Variants in AIG1 observed in about 807,000 individuals in gnomAD.
The protein encoded by AIG1 is androgen-induced gene 1 protein.
In AIG1, 23 loss-of-function variants were observed where a neutral mutation model predicts 31.4. The ratio of observed to expected loss-of-function variants is 0.73; its 90% CI spans 0.53 to 1.04. AIG1 has a LOEUF of 1.04. AIG1 is among the 50% of genes least tolerant of loss of function. AIG1 has a pLI of 0.00. For synonymous variants in AIG1, 100 were observed against 110.5 expected (o/e 0.90, Z 0.60); for missense variants, 274 against 295.0 (o/e 0.93, Z 0.52).
At position 143,325,097 on chromosome 6, in the gene AIG1, A is replaced by T. The variant is rs1187433684; in HGVS notation, c.516-8185A>T. Among the ~76,000 whole-genome samples the T allele has an allele frequency of 6.6e-6, 1 of 152,226 alleles. No homozygotes were observed. Among genetic ancestry groups the T allele is most frequent in the African/African-American group, 2.4e-5 (1 of 41,462 alleles). On this transcript the variant is annotated intron_variant, in intron 4 of 5. Coordinates refer to ENST00000357847, the MANE Select transcript of AIG1 (RefSeq NM_016108.4). The surrounding 1 kb of genome is among the most constrained non-coding windows in gnomAD (Gnocchi z 4.3). ...TTTCCCTTCCACTTTATTGGTGGCA[A>T]ACCAGTTTTCTAATAATTCTCTATG...
intron 4 of AIG1, among the ~76,000 whole-genome samples, chr6:143,289,501 AG>A (rs1797910743): frequency 6.6e-6 from 1 of 152,096 alleles, no homozygotes; most frequent in South Asian, 2.1e-4. Flanking sequence ...CTTGGCCCAG[AG>A]GGGGTCCATT....
chr6:143,302,164 C>G (rs1798870093), intron 4 of AIG1, among the ~76,000 whole-genome samples: 1 of 150,668 alleles, frequency 6.6e-6, no homozygotes, highest in Non-Finnish European at 1.5e-5. Flanking sequence ...TTTTTTTTTT[C>G]AGAGAAACTA....
chr6:143,076,885 A>T (rs1777783390), intron 1 of AIG1, among the ~76,000 whole-genome samples: 1 of 151,932 alleles, frequency 6.6e-6, no homozygotes, highest in African/African-American at 2.4e-5. Context: ...GTTAGCCAGG[A>T]TGGTCTTGAT....
At chr6:143,316,725 C>T (rs1405220200) in intron 4 of AIG1, among the ~76,000 whole-genome samples, 1 of 151,802 alleles carries the variant, frequency 6.6e-6, no homozygotes, top group Non-Finnish European at 1.5e-5. Context: ...AAAGCTGTTT[C>T]CTTGAAAAGA....
chr6:143,090,210 C>T (rs1266315975), intron 1 of AIG1, among the ~76,000 whole-genome samples: 2 of 152,166 alleles, frequency 1.3e-5, no homozygotes, highest in African/African-American at 2.4e-5. Context: ...TTGACAAATA[C>T]TTATCTGCTC....
intron 3 of AIG1, among the ~76,000 whole-genome samples, chr6:143,274,658 A>C (rs1358176844): frequency 6.8e-6 from 1 of 146,858 alleles, no homozygotes; most frequent in African/African-American, 2.6e-5. Context: ...TATAGTAGGA[A>C]TATAGTATTT....
intron 3 of AIG1, among the ~76,000 whole-genome samples, chr6:143,169,610 C>T (rs1212625846): frequency 1.3e-5 from 2 of 152,026 alleles, no homozygotes; most frequent in Non-Finnish European, 2.9e-5. Flanking sequence ...CTCCTGGCTA[C>T]CCTTCCCAAC....
At chr6:143,132,748 T>C (rs531797639) in intron 1 of AIG1, among the ~76,000 whole-genome samples, 16 of 152,168 alleles carry the variant, frequency 1.1e-4, no homozygotes, top group Admixed American at 3.3e-4. Flanking sequence ...TTTAAAGTCT[T>C]TCTTCTTTCA....
At chr6:143,232,648 C>T (rs1182199707) in intron 3 of AIG1, among the ~76,000 whole-genome samples, 2 of 152,152 alleles carry the variant, frequency 1.3e-5, no homozygotes, top group South Asian at 2.1e-4. Context: ...GAGTAGGTTA[C>T]ATGTTTTTAT....
intron 1 of AIG1, among the ~76,000 whole-genome samples, chr6:143,107,597 C>G (rs1780918332): frequency 6.6e-6 from 1 of 152,056 alleles, no homozygotes; most frequent in African/African-American, 2.4e-5. Context: ...ACCTCAGTAT[C>G]TATTTACTTG....
At chr6:143,084,201 C>T (rs972623912) in intron 1 of AIG1, among the ~76,000 whole-genome samples, 8 of 152,134 alleles carry the variant, frequency 5.3e-5, no homozygotes, top group Non-Finnish European at 8.8e-5. Context: ...GTGCTTGCCC[C>T]GGGCACCCTC....
chr6:143,128,708 G>A (rs116183937), intron 1 of AIG1, among the ~76,000 whole-genome samples: 1 of 152,182 alleles, frequency 6.6e-6, no homozygotes, highest in South Asian at 2.1e-4. Flanking sequence ...TGGTCAGCAG[G>A]ATTCATGTAG....
At chr6:143,321,995 A>G (rs576533506) in intron 4 of AIG1, among the ~76,000 whole-genome samples, 5 of 152,330 alleles carry the variant, frequency 3.3e-5, no homozygotes, top group Admixed American at 2.0e-4. Context: ...AAAAAAATAT[A>G]TAAGAAACAT....
chr6:143,218,071 G>A (rs1055680046), intron 3 of AIG1, among the ~76,000 whole-genome samples: 7 of 152,156 alleles, frequency 4.6e-5, no homozygotes, highest in Non-Finnish European at 7.3e-5. Context: ...TAATTGCATC[G>A]TCTCATTTGC....
intron 4 of AIG1, among the ~76,000 whole-genome samples, chr6:143,296,296 C>T (rs1180689058): frequency 6.6e-6 from 1 of 152,168 alleles, no homozygotes; most frequent in East Asian, 1.9e-4. Context: ...GACTGACATC[C>T]TATAGGAGAG....
intron 1 of AIG1, among the ~76,000 whole-genome samples, chr6:143,089,132 C>T (rs1779070491): frequency 6.6e-6 from 1 of 151,818 alleles, no homozygotes; most frequent in South Asian, 2.1e-4. Flanking sequence ...ATCGCTTGAA[C>T]CTGGGTGGCA....
At chr6:143,285,090 T>A (rs749061763) in intron 4 of AIG1, among the ~76,000 whole-genome samples, 5 of 151,978 alleles carry the variant, frequency 3.3e-5, no homozygotes, top group Non-Finnish European at 7.4e-5. Context: ...AACCCCTCAA[T>A]TGTACTTAAT....
At chr6:143,160,560 G>A (rs1786264610) in intron 2 of AIG1, among the ~76,000 whole-genome samples, 1 of 152,208 alleles carries the variant, frequency 6.6e-6, no homozygotes, top group Non-Finnish European at 1.5e-5. Context: ...AGAAGCAGCA[G>A]GTGTAGGATG....
intron 1 of AIG1, among the ~76,000 whole-genome samples, chr6:143,110,219 A>T (rs937206037): frequency 1.3e-5 from 2 of 152,176 alleles, no homozygotes; most frequent in African/African-American, 4.8e-5. Context: ...TACCATTCCG[A>T]TGACTATAAC....
Sources: gnomAD v4.1 joint callset for allele counts (sites outside exome capture counted in the v4.1 genomes callset) on GRCh38, gnomAD v4.1.1 for gene constraint, Gnocchi (gnomAD v3.1) non-coding constraint, MANE v1.5 for transcripts, NCBI Gene and HGNC (gene_info 2026-07-23, HGNC 2026-07-21) for gene names.